Variants in SMG6 observed in about 807,000 individuals in gnomAD.
SMG6 encodes the protein SMG6 nonsense mediated mRNA decay factor.
SMG6 carries 66 observed loss-of-function variants against 142.2 expected under a neutral mutation model. The ratio of observed to expected loss-of-function variants is 0.46; its 90% CI spans 0.38 to 0.57. The LOEUF is 0.57. SMG6 is among the 20% of genes least tolerant of loss of function. The pLI is 0.00. For missense variants in SMG6, 1,793 were observed against 1,832.0 expected, an observed-to-expected ratio of 0.98 and a Z score of 0.39; for synonymous variants, 779 against 702.4, an observed-to-expected ratio of 1.11 and a Z score of -1.72.
intron 13 of SMG6, among the ~76,000 whole-genome samples, chr17:2,153,591 G>A (rs2070893310): frequency 6.6e-6 from 1 of 152,142 alleles, no homozygotes; most frequent in African/African-American, 2.4e-5. Flanking sequence ...GGAACCTGGG[G>A]ATGCATGTAG....
chr17:2,102,604 CAA>C (rs1209622478), intron 13 of SMG6, among the ~76,000 whole-genome samples: 1 of 137,734 alleles, frequency 7.3e-6, no homozygotes, highest in African/African-American at 2.8e-5. Flanking sequence ...CTCCTGGTGT[CAA>C]GTGATCATCC....
At chr17:2,112,223 G>T (rs1016343639) in intron 13 of SMG6, among the ~76,000 whole-genome samples, 7 of 151,768 alleles carry the variant, frequency 4.6e-5, no homozygotes, top group Admixed American at 6.6e-5. Context: ...AAAAAAAGTC[G>T]GCCGGGCGCG....
chr17:2,098,805 A>C lies in SMG6; in HGVS notation c.3358-12904T>G, dbSNP rs566898395. ...GCCACCATGTCCAACTAATTTTTGT[A>C]TTTTTAATAGAGACGGAGCTTCCCC... On this transcript the variant is annotated intron_variant, in intron 13 of 18. Transcript: ENST00000263073. Among the ~76,000 whole-genome samples the C allele has an allele frequency of 1.0e-3, 154 of 151,724 alleles. 1 individual carries two copies. The highest frequency in any genetic ancestry group is 3.5e-3 in the African/African-American group (146 of 41,374).
In SMG6 at chr17:2,167,896, C is replaced by T. The variant is rs117672744; in HGVS notation, c.3357+4762G>A. On this transcript the variant is annotated intron_variant, in intron 13 of 18. Coordinates refer to ENST00000263073, the MANE Select transcript of SMG6 (RefSeq NM_017575.5). ...TCCTTTTTCTTTCTTTTTTTTCAGA[C>T]GGGGTCTTGCTCTGAGACCCAGGCT... 2.6e-3 allele frequency among the ~76,000 whole-genome samples: 402 copies of T among 152,126 alleles called. 2 individuals carry two copies. Among genetic ancestry groups the T allele is most frequent in the Non-Finnish European group, 4.5e-3 (303 of 67,988 alleles).
At position 2,081,889 on chromosome 17, in the gene SMG6, T is replaced by C; in HGVS notation, c.3602A>G (p.Asp1201Gly). ...CTTCTTGGCCCGAAGCTCCCTGATG[T>C]CATCCTCGCCTCCGCTGCCTTCAGC... ...SEAEGSGGED[D>G]IRELRAKKLA... Residue 1201 changes from aspartate to glycine, a missense_variant, in exon 15 of 19, where the codon GAC (aspartate) becomes GGC (glycine). This residue lies in a region of SMG6 where 1,597 missense variants were observed against 1,584.6 expected (regional missense o/e 1.01). Transcript: ENST00000263073. The C allele has an allele frequency of 6.2e-7, 1 of 1,614,172 alleles. No individual in the cohort carries two copies. The highest frequency in any genetic ancestry group is 1.3e-5 in the African/African-American group (1 of 75,056).
chr17:2,165,719 C>A (rs575805812), intron 13 of SMG6, among the ~76,000 whole-genome samples: 15 of 152,258 alleles, frequency 9.9e-5, no homozygotes, highest in African/African-American at 3.1e-4. Flanking sequence ...CTGGGCAACA[C>A]AGGGAGGCCT....
chr17:2,236,275 T>C (rs2073648822), intron 10 of SMG6, among the ~76,000 whole-genome samples: 1 of 151,666 alleles, frequency 6.6e-6, no homozygotes, highest in Non-Finnish European at 1.5e-5. Context: ...TCTATACCCA[T>C]GATTCCCTCC....
intron 6 of SMG6, among the ~76,000 whole-genome samples, chr17:2,287,922 T>C (rs1239861127): frequency 6.6e-6 from 1 of 152,190 alleles, no homozygotes; most frequent in Non-Finnish European, 1.5e-5. Flanking sequence ...TGTTATTTAA[T>C]AGATATGGAG....
chr17:2,229,964 T>C (rs190554260), intron 10 of SMG6, among the ~76,000 whole-genome samples: 10,636 of 151,660 alleles, frequency 0.07, 530 homozygotes, highest in South Asian at 0.099. Context: ...GGTGGGCGGA[T>C]CACTTGAGGT....
At chr17:2,066,489 ATG>A (rs1358213565) in intron 16 of SMG6, among the ~76,000 whole-genome samples, 1 of 151,808 alleles carries the variant, frequency 6.6e-6, no homozygotes, top group Non-Finnish European at 1.5e-5. Context: ...AGTGGGAAAT[ATG>A]TGCTCCTCGG....
chr17:2,186,883 T>C, intron 11 of SMG6, 52 bp from the exon 12 acceptor site: 1 of 1,588,776 alleles, frequency 6.3e-7, no homozygotes, highest in Middle Eastern at 1.7e-4. Context: ...AGCCCCCGAG[T>C]GAGGCCTGGG....
chr17:2,206,720 T>C (rs1420526115), intron 10 of SMG6, among the ~76,000 whole-genome samples: 2 of 151,962 alleles, frequency 1.3e-5, no homozygotes, highest in Non-Finnish European at 2.9e-5. Context: ...AAACCCCCTC[T>C]CTACTACAAG....
chr17:2,285,748 A>C (rs935992953), intron 6 of SMG6, among the ~76,000 whole-genome samples: 9 of 152,050 alleles, frequency 5.9e-5, no homozygotes, highest in Non-Finnish European at 1.0e-4. Context: ...ATCTCAGCTC[A>C]CTGCAAACTC....
chr17:2,083,692 A>G (rs2068482741), intron 14 of SMG6, among the ~76,000 whole-genome samples: 2 of 152,268 alleles, frequency 1.3e-5, no homozygotes, highest in African/African-American at 4.8e-5. Flanking sequence ...TGAGCGGGAC[A>G]GAATGCCTGC....
At chr17:2,223,206 C>T (rs546097471) in intron 10 of SMG6, among the ~76,000 whole-genome samples, 1 of 152,248 alleles carries the variant, frequency 6.6e-6, no homozygotes, top group Non-Finnish European at 1.5e-5. Flanking sequence ...AACCACTGAT[C>T]CTTGCCTCAG....
At chr17:2,091,163 G>A (rs570512213) in intron 13 of SMG6, among the ~76,000 whole-genome samples, 1 of 152,208 alleles carries the variant, frequency 6.6e-6, no homozygotes, top group Non-Finnish European at 1.5e-5. Flanking sequence ...CCAAGGGTGG[G>A]CCAGCCTACG....
At chr17:2,133,984 G>A (rs141562804) in intron 13 of SMG6, among the ~76,000 whole-genome samples, 7 of 152,214 alleles carry the variant, frequency 4.6e-5, no homozygotes, top group South Asian at 2.1e-4. Flanking sequence ...GGTAGAGCCC[G>A]AACACTAGCC....
intron 10 of SMG6, among the ~76,000 whole-genome samples, chr17:2,202,218 C>G (rs1398725960): frequency 6.6e-6 from 1 of 152,196 alleles, no homozygotes; most frequent in Non-Finnish European, 1.5e-5. Context: ...TATATCCACA[C>G]AGTGAGGACT....
intron 13 of SMG6, among the ~76,000 whole-genome samples, chr17:2,089,523 G>C (rs1239576030): frequency 1.3e-5 from 2 of 152,112 alleles, no homozygotes; most frequent in Non-Finnish European, 2.9e-5. Flanking sequence ...AAAGAAAACT[G>C]GGGCTTTAGG....
Sources: gnomAD v4.1 joint callset for allele counts (sites outside exome capture counted in the v4.1 genomes callset) on GRCh38, gnomAD v4.1.1 for gene constraint, gnomAD v4.1.1 regional missense constraint, MANE v1.5 for transcripts, NCBI Gene and HGNC (gene_info 2026-07-23, HGNC 2026-07-21) for gene names.